PTPRN2: variants seen among roughly 807,000 people sequenced by gnomAD.
The protein encoded by PTPRN2 is protein tyrosine phosphatase receptor type N2.
Under a neutral mutation model 118.8 loss-of-function variants are expected in PTPRN2, and 74 were observed. That is an observed-to-expected ratio of 0.62 (90% confidence interval 0.52 to 0.76). PTPRN2 has a LOEUF of 0.76. Ranked by LOEUF, PTPRN2 falls within the 30% of genes least tolerant of loss-of-function variation. The probability of loss-of-function intolerance (pLI) is 0.00; values close to 1 mark genes in which losing one functional copy is unlikely to be tolerated. For synonymous variants in PTPRN2, 641 were observed against 608.0 expected (o/e 1.05, Z -0.80); for missense variants, 1,481 against 1,394.4 (o/e 1.06, Z -0.99).
intron 11 of PTPRN2, among the ~76,000 whole-genome samples, chr7:158,070,502 GTGGTGGTGGAGGTGCTCC>G (rs1338268673): frequency 4.7e-4 from 53 of 113,414 alleles, no homozygotes; most frequent in South Asian, 3.5e-3. Context: ...GGAGGTGCCC[GTGGTGGTGGAGGTGCTCC>G]TGGTGGTGGA....
rs146954575 is a variant in PTPRN2 at position 158,371,466 on chromosome 7, A to C, written c.164-54534T>G. ...ACAATTTTACCAATAAAATTCATAA[A>C]AGAAAACATAAACTTAGCATAAGAA... On this transcript the variant is annotated intron_variant, in intron 2 of 22. Transcript: ENST00000389418. 5.7e-3 allele frequency among the ~76,000 whole-genome samples: 870 copies of C among 152,334 alleles called. 7 individuals carry two copies. The highest frequency in any genetic ancestry group is 0.02 in the African/African-American group (829 of 41,576).
chr7:158,344,922 C>G (rs183020602), intron 2 of PTPRN2, among the ~76,000 whole-genome samples: 49 of 152,284 alleles, frequency 3.2e-4, no homozygotes, highest in Admixed American at 3.1e-3. Flanking sequence ...AGGTGAGAAC[C>G]CAGAAGCTGA....
At chr7:158,265,141 C>T (rs569208388) in intron 3 of PTPRN2, among the ~76,000 whole-genome samples, 10 of 152,248 alleles carry the variant, frequency 6.6e-5, no homozygotes, top group African/African-American at 2.2e-4. Context: ...AGGCCCCTGG[C>T]CCGGTGGAGC....
At chr7:158,401,450 C>T (rs953225894) in intron 2 of PTPRN2, among the ~76,000 whole-genome samples, 4 of 151,800 alleles carry the variant, frequency 2.6e-5, no homozygotes, top group African/African-American at 9.7e-5. Flanking sequence ...AGCGAAGCTG[C>T]CACGGGACGG....
At chr7:157,770,086 G>A (rs989119309) in intron 12 of PTPRN2, among the ~76,000 whole-genome samples, 7 of 152,162 alleles carry the variant, frequency 4.6e-5, no homozygotes, top group Admixed American at 2.0e-4. Flanking sequence ...TTCACTTCCC[G>A]CTGCCACCGG....
At chr7:158,095,972 C>G (rs1166114234) in intron 10 of PTPRN2, among the ~76,000 whole-genome samples, 1 of 152,214 alleles carries the variant, frequency 6.6e-6, no homozygotes, top group African/African-American at 2.4e-5. Context: ...TGTCCAGTAC[C>G]CAAATCCAGC....
intron 3 of PTPRN2, among the ~76,000 whole-genome samples, chr7:158,249,264 TCA>T (rs1386211647): frequency 1.3e-5 from 2 of 148,328 alleles, no homozygotes; most frequent in Non-Finnish European, 3.0e-5. Flanking sequence ...TGCACACGCA[TCA>T]CACACATGCA....
intron 15 of PTPRN2, among the ~76,000 whole-genome samples, chr7:157,605,465 A>G (rs973529145): frequency 5.9e-5 from 9 of 152,196 alleles, no homozygotes; most frequent in Non-Finnish European, 8.8e-5. Flanking sequence ...CTCTTCACCC[A>G]CAGTGTGGCG....
chr7:157,879,132 C>T (rs112982548), intron 12 of PTPRN2, among the ~76,000 whole-genome samples: 22 of 144,218 alleles, frequency 1.5e-4, no homozygotes, highest in South Asian at 4.5e-4. Context: ...GAGGAGCTCT[C>T]GGATTCCGTG....
chr7:158,569,264 G>A (rs1827831532), intron 1 of PTPRN2, among the ~76,000 whole-genome samples: 1 of 151,784 alleles, frequency 6.6e-6, no homozygotes, highest in South Asian at 2.1e-4. Context: ...GAGGCTCCTG[G>A]CCCAGGGAGG....
At chr7:157,971,173 A>T (rs1365129518) in intron 11 of PTPRN2, among the ~76,000 whole-genome samples, 2 of 152,180 alleles carry the variant, frequency 1.3e-5, no homozygotes, top group Non-Finnish European at 2.9e-5. Flanking sequence ...TGAGTATCCA[A>T]CTCAGAGCTT....
intron 5 of PTPRN2, among the ~76,000 whole-genome samples, chr7:158,190,863 G>GA (rs1825705756): frequency 6.6e-6 from 1 of 152,260 alleles, no homozygotes; most frequent in African/African-American, 2.4e-5. Flanking sequence ...ACATCCTCCT[G>GA]AAGAGGCAAG....
intron 6 of PTPRN2, among the ~76,000 whole-genome samples, chr7:158,150,830 T>G (rs11575995): frequency 3.3e-5 from 5 of 151,548 alleles, no homozygotes; most frequent in Admixed American, 2.0e-4. Context: ...CCATGATGGT[T>G]GCACCCCAGC....
intron 3 of PTPRN2, among the ~76,000 whole-genome samples, chr7:158,227,298 G>C (rs1468382937): frequency 6.6e-6 from 1 of 152,206 alleles, no homozygotes; most frequent in Non-Finnish European, 1.5e-5. Context: ...TCAGGAGCCA[G>C]GAGAAGAGAG....
intron 11 of PTPRN2, among the ~76,000 whole-genome samples, chr7:158,040,068 A>C (rs1005130448): frequency 9.0e-6 from 1 of 111,072 alleles, no homozygotes; most frequent in African/African-American, 3.3e-5. Context: ...AAAAGCAAAG[A>C]GAGAGAGAGA....
chr7:157,936,523 C>A (rs1424826243), intron 11 of PTPRN2, among the ~76,000 whole-genome samples: 1 of 152,098 alleles, frequency 6.6e-6, no homozygotes. Context: ...TCCCGAGCAC[C>A]ACTCAATCTC....
At position 158,268,568 on chromosome 7, in the gene PTPRN2, C is replaced by T. The variant is rs1265862447; in HGVS notation, c.277+48251G>A. Among the ~76,000 whole-genome samples, 11 of 143,000 alleles carry T rather than the reference C, an allele frequency of 7.7e-5. 1 individual carries two copies. The highest frequency in any genetic ancestry group is 2.1e-4 in the East Asian group (1 of 4,724). 93.8% of individuals were successfully genotyped at this position (143,000 alleles called of 152,430 possible). A position where few individuals can be genotyped will look rare whatever the true frequency, so the allele number is the denominator to read the frequency against. On this transcript the variant is annotated intron_variant, in intron 3 of 22. Transcript: ENST00000389418. Reference sequence around the variant, plus strand: ...CAGGGCGGGTGTGTAATATCCCAGCCGCACGCACACAGGGCGGGTGTGAAA... The same window carrying T: ...CAGGGCGGGTGTGTAATATCCCAGCTGCACGCACACAGGGCGGGTGTGAAA...
chr7:157,639,316 G>A (rs1804529243), intron 14 of PTPRN2, among the ~76,000 whole-genome samples: 1 of 152,198 alleles, frequency 6.6e-6, no homozygotes, highest in South Asian at 2.1e-4. Flanking sequence ...GGTTACAGGT[G>A]TAAGCCACTG....
At chr7:158,071,366 C>A in intron 11 of PTPRN2, among the ~76,000 whole-genome samples, 1 of 50,218 alleles carries the variant, frequency 2.0e-5, no homozygotes, top group Non-Finnish European at 3.7e-5. Context: ...TGGAGGTGCT[C>A]ATGGTGGTGG....
Sources: allele counts gnomAD v4.1 joint callset (sites outside exome capture counted in the v4.1 genomes callset), GRCh38; gene constraint gnomAD v4.1.1; transcripts MANE v1.5; gene names NCBI Gene and HGNC (gene_info 2026-07-23, HGNC 2026-07-21).